The following PRKCE variants were observed in gnomAD, a reference collection of about 807,000 sequenced individuals.
PRKCE encodes the protein protein kinase C epsilon type.
A neutral mutation model predicts 85.4 loss-of-function variants in PRKCE; 16 were observed. The ratio of observed to expected loss-of-function variants is 0.19; its 90% CI spans 0.13 to 0.28. PRKCE has a LOEUF of 0.28. PRKCE is among the 10% of genes least tolerant of loss of function. The pLI is 1.00. For missense variants in PRKCE, 573 were observed against 975.2 expected (o/e 0.59, Z 5.49); for synonymous variants, 388 against 371.5 (o/e 1.04, Z -0.51).
At chr2:45,728,076 C>A (rs1000450017) in intron 1 of PRKCE, among the ~76,000 whole-genome samples, 4 of 152,130 alleles carry the variant, frequency 2.6e-5, no homozygotes, top group Admixed American at 2.6e-4. Flanking sequence ...TCTGTTTAAG[C>A]GTATCTTTTC....
intron 2 of PRKCE, among the ~76,000 whole-genome samples, chr2:45,861,825 A>G (rs1196875780): frequency 1.3e-5 from 2 of 152,244 alleles, no homozygotes; most frequent in Non-Finnish European, 2.9e-5. Flanking sequence ...GGTAACTCCT[A>G]TAATGGAGTA....
chr2:45,833,372 C>A (rs1690597293), intron 1 of PRKCE, among the ~76,000 whole-genome samples: 1 of 152,084 alleles, frequency 6.6e-6, no homozygotes, highest in Non-Finnish European at 1.5e-5. Flanking sequence ...TCAATCCCAG[C>A]CCTGAATCAA....
chr2:45,700,173 C>A (rs7570049), intron 1 of PRKCE, among the ~76,000 whole-genome samples: 1 of 147,910 alleles, frequency 6.8e-6, no homozygotes, highest in East Asian at 2.0e-4. Context: ...GAGGCCCTGC[C>A]GGGAGCCAGG....
intron 2 of PRKCE, among the ~76,000 whole-genome samples, chr2:45,918,682 C>T (rs763183702): frequency 7.2e-5 from 11 of 152,118 alleles, no homozygotes; most frequent in Admixed American, 2.0e-4. Context: ...CAGCTGGAAA[C>T]TAAAGGCACA....
At position 46,061,763 on chromosome 2, in the gene PRKCE, C is replaced by T. The variant is rs762849765; in HGVS notation, c.1438-24445C>T. On this transcript the variant is annotated intron_variant, in intron 10 of 14. Transcript: ENST00000306156. ...AATCAAAGTACCCTGGAGATGAGCA[C>T]GGTGTTTGCTTTCCTGAAGACCCAT... is the stretch of plus-strand genomic sequence containing the variant. Among the ~76,000 whole-genome samples, 14 of 151,956 alleles carry T rather than the reference C, an allele frequency of 9.2e-5. No individual in the cohort carries two copies. In the South Asian group the frequency reaches 1.7e-3, roughly 18 times the overall value.
At chr2:46,094,716 T>C (rs56355731) in intron 11 of PRKCE, among the ~76,000 whole-genome samples, 33,553 of 151,708 alleles carry the variant, frequency 0.22, 4,314 homozygotes, top group African/African-American at 0.34. Flanking sequence ...TGGGATGATC[T>C]GTACAGCAGA....
At chr2:45,973,373 C>T (rs893125432) in intron 2 of PRKCE, among the ~76,000 whole-genome samples, 4 of 152,212 alleles carry the variant, frequency 2.6e-5, no homozygotes, top group Non-Finnish European at 4.4e-5. Flanking sequence ...ACCCCTTTCT[C>T]CTGTCACCTG....
In PRKCE at chr2:45,922,276, A is replaced by G. The variant is rs577039310; in HGVS notation, c.413-54153A>G. Among the ~76,000 whole-genome samples, 37 of 152,314 alleles carry G rather than the reference A, an allele frequency of 2.4e-4. 1 individual carries two copies. The highest frequency in any genetic ancestry group is 6.8e-3 in the Middle Eastern group (2 of 294). On this transcript the variant is annotated intron_variant, in intron 2 of 14. Coordinates refer to ENST00000306156, the MANE Select transcript of PRKCE (RefSeq NM_005400.3). The stretch of plus-strand genomic sequence containing the variant: ...TTAAATGGTAGTTTTACAAATTGCC[A>G]TTAGCTTTCCTATCATATGCAGTGC...
rs555158955 is a variant in PRKCE at position 46,066,479 on chromosome 2, G to A, written c.1438-19729G>A. ...TCTCCAGGGGAAGAGGGCAGGGAAC[G>A]ATCCACTCCAATTAGGAATCCTAGA... On this transcript the variant is annotated intron_variant, in intron 10 of 14. Transcript: ENST00000306156. Among the ~76,000 whole-genome samples the A allele has an allele frequency of 6.6e-5, 10 of 152,268 alleles. 1 individual carries two copies. Among genetic ancestry groups the A allele is most frequent in the African/African-American group, 2.2e-4 (9 of 41,550 alleles).
At chr2:45,872,911 C>G (rs776204848) in intron 2 of PRKCE, among the ~76,000 whole-genome samples, 1 of 152,214 alleles carries the variant, frequency 6.6e-6, no homozygotes, top group East Asian at 1.9e-4. Context: ...GTCTCTGGAG[C>G]TGTGTGCTCA....
At chr2:46,133,387 C>A (rs538576603) in intron 11 of PRKCE, among the ~76,000 whole-genome samples, 1 of 152,290 alleles carries the variant, frequency 6.6e-6, no homozygotes, top group South Asian at 2.1e-4. Context: ...CATCCTAGTA[C>A]TCTGGCCTCA....
At chr2:46,058,149 G>A (rs376011919) in intron 10 of PRKCE, among the ~76,000 whole-genome samples, 27 of 152,210 alleles carry the variant, frequency 1.8e-4, no homozygotes, top group African/African-American at 6.3e-4. Context: ...GTTCCCATTC[G>A]GTAAAGTGGC....
intron 2 of PRKCE, among the ~76,000 whole-genome samples, chr2:45,922,601 C>A (rs539312000): frequency 6.6e-6 from 1 of 152,352 alleles, no homozygotes; most frequent in African/African-American, 2.4e-5. Flanking sequence ...GCTGTCTCCA[C>A]CCCAAGCCCA....
intron 12 of PRKCE, among the ~76,000 whole-genome samples, chr2:46,150,025 T>A (rs1676462560): frequency 6.6e-6 from 1 of 151,956 alleles, no homozygotes; most frequent in Non-Finnish European, 1.5e-5. Flanking sequence ...CCCAGCTAAT[T>A]TTTTTTAAGA....
At chr2:45,927,731 A>G (rs552396808) in intron 2 of PRKCE, among the ~76,000 whole-genome samples, 6 of 152,384 alleles carry the variant, frequency 3.9e-5, no homozygotes, top group African/African-American at 1.4e-4. Context: ...GTGGATTTGA[A>G]TATTTGTTTT....
At chr2:46,133,038 C>T (rs959755645) in intron 11 of PRKCE, among the ~76,000 whole-genome samples, 4 of 152,190 alleles carry the variant, frequency 2.6e-5, no homozygotes, top group African/African-American at 9.7e-5. Flanking sequence ...AATCTCCTAG[C>T]ACGTGGCTCC....
Position 45,828,560 on chromosome 2 carries a change from A to G in PRKCE, c.349-14440A>G, listed in dbSNP as rs144853077. Reference sequence around the variant, plus strand: ...TGACCAGGAAATTATACTTTTCAAGATATATGAAAATTTAAAATAATTTGT... The same window carrying G: ...TGACCAGGAAATTATACTTTTCAAGGTATATGAAAATTTAAAATAATTTGT... On this transcript the variant is annotated intron_variant, in intron 1 of 14. Transcript: ENST00000306156. Among the ~76,000 whole-genome samples the G allele has an allele frequency of 5.9e-5, 9 of 152,352 alleles. 1 individual carries two copies. Among genetic ancestry groups the G allele is most frequent in the African/African-American group, 2.2e-4 (9 of 41,580 alleles).
chr2:45,993,698 A>G (rs1219032215), intron 6 of PRKCE, among the ~76,000 whole-genome samples: 1 of 152,114 alleles, frequency 6.6e-6, no homozygotes, highest in Non-Finnish European at 1.5e-5. Context: ...GAGGCAGAAG[A>G]CAGCTTTCAT....
rs574329143 is a variant in PRKCE, at chr2:45,652,614, G to C, written c.348+166G>C. Among the ~76,000 whole-genome samples, 2 of 152,238 alleles carry C rather than the reference G, an allele frequency of 1.3e-5. No individual in the cohort carries two copies. Among genetic ancestry groups the C allele is most frequent in the Non-Finnish European group, 2.9e-5 (2 of 68,050 alleles). On this transcript the variant is annotated intron_variant, in intron 1 of 14. Coordinates refer to ENST00000306156, the MANE Select transcript of PRKCE (RefSeq NM_005400.3). The surrounding 1 kb of genome is among the most constrained non-coding windows in gnomAD (Gnocchi z 7.7). ...GTACACTTCACTTCATAGTTGGGGA[G>C]AAACAGGCATTGGCGAGGAAGATGA... is the stretch of plus-strand genomic sequence containing the variant.
Sources: allele counts gnomAD v4.1 joint callset (sites outside exome capture counted in the v4.1 genomes callset), GRCh38; gene constraint gnomAD v4.1.1; non-coding constraint Gnocchi (gnomAD v3.1); transcripts MANE v1.5; gene names NCBI Gene and HGNC (gene_info 2026-07-23, HGNC 2026-07-21).